Variants in OR6N1 observed in about 807,000 individuals in gnomAD.
OR6N1 encodes the protein olfactory receptor 6N1.
For missense variants in OR6N1, 394 were observed against 371.7 expected (o/e 1.06, Z -0.49); for synonymous variants, 170 against 150.7 (o/e 1.13, Z -0.94).
the OR6N1 span, among the ~76,000 whole-genome samples, chr1:158,801,192 T>C: frequency 6.8e-6 from 1 of 146,592 alleles, no homozygotes; most frequent in South Asian, 2.2e-4. Flanking sequence ...TGTGTGTGTG[T>C]GGTCTGTCTG....
At chr1:158,795,069 G>T in the OR6N1 span, among the ~76,000 whole-genome samples, 1 of 152,196 alleles carries the variant, frequency 6.6e-6, no homozygotes, top group East Asian at 1.9e-4. Context: ...CTCCCCACAT[G>T]TGGGTGCAGG....
the OR6N1 span, among the ~76,000 whole-genome samples, chr1:158,838,882 C>T: frequency 6.6e-6 from 1 of 152,112 alleles, no homozygotes; most frequent in Non-Finnish European, 1.5e-5. Flanking sequence ...GTGGATTTTA[C>T]AATGCAGTCA....
chr1:158,794,723 G>A, the OR6N1 span, among the ~76,000 whole-genome samples: 15 of 152,298 alleles, frequency 9.8e-5, no homozygotes, highest in African/African-American at 3.6e-4. Context: ...TGGCTAGCCA[G>A]GATGATGCAG....
At chr1:158,776,629 C>A, upstream of OR6N1, 1 of 1,062,854 alleles carries the variant, frequency 9.4e-7, no homozygotes, top group South Asian at 1.6e-5. Flanking sequence ...GAAGATTACT[C>A]AAGGAACTTT....
At chr1:158,782,923 CA>C in the OR6N1 span, among the ~76,000 whole-genome samples, 439 of 152,148 alleles carry the variant, frequency 2.9e-3, 2 homozygotes, top group African/African-American at 0.01. Context: ...ACATAAAGAG[CA>C]AAATACAAAG....
chr1:158,800,321 C>G, the OR6N1 span, among the ~76,000 whole-genome samples: 2 of 151,858 alleles, frequency 1.3e-5, no homozygotes, highest in Admixed American at 1.3e-4. Flanking sequence ...GTTGCTTTTA[C>G]CTAGGAAAGA....
upstream of OR6N1, among the ~76,000 whole-genome samples, chr1:158,773,778 G>C (rs1657484566): frequency 6.6e-6 from 1 of 152,052 alleles, no homozygotes; most frequent in Non-Finnish European, 1.5e-5. Flanking sequence ...GCCTGCCTGA[G>C]AAAATTCAAG....
At chr1:158,788,591 C>T in the OR6N1 span, among the ~76,000 whole-genome samples, 9 of 152,026 alleles carry the variant, frequency 5.9e-5, no homozygotes, top group Admixed American at 5.9e-4. Flanking sequence ...TACTTTGATA[C>T]ATTCATGTAA....
the OR6N1 span, among the ~76,000 whole-genome samples, chr1:158,823,887 C>A: frequency 6.6e-6 from 1 of 152,034 alleles, no homozygotes; most frequent in South Asian, 2.1e-4. Flanking sequence ...TAGCTTTGTC[C>A]CAGAGATTCT....
At chr1:158,800,484 G>T in the OR6N1 span, among the ~76,000 whole-genome samples, 1 of 152,116 alleles carries the variant, frequency 6.6e-6, no homozygotes, top group Non-Finnish European at 1.5e-5. Flanking sequence ...TATCTGAGCT[G>T]GATGCTCAGA....
At chr1:158,802,579 C>T in the OR6N1 span, among the ~76,000 whole-genome samples, 1 of 152,096 alleles carries the variant, frequency 6.6e-6, no homozygotes, top group Non-Finnish European at 1.5e-5. Flanking sequence ...AAGGAGATTT[C>T]TCATCCATCC....
the OR6N1 span, among the ~76,000 whole-genome samples, chr1:158,831,954 A>C: frequency 1.3e-5 from 2 of 152,182 alleles, no homozygotes; most frequent in East Asian, 3.8e-4. Flanking sequence ...ACCAGGATAT[A>C]AATCTCTATT....
At chr1:158,770,008 A>T (rs934330935) in intron 1 of OR6N1, among the ~76,000 whole-genome samples, 4 of 152,124 alleles carry the variant, frequency 2.6e-5, no homozygotes, top group Non-Finnish European at 2.9e-5. Context: ...TAGATGTTCT[A>T]TATTCCTTCC....
At chr1:158,798,040 C>T in the OR6N1 span, among the ~76,000 whole-genome samples, 1 of 151,874 alleles carries the variant, frequency 6.6e-6, no homozygotes, top group South Asian at 2.1e-4. Flanking sequence ...TTTTAATTAA[C>T]TGGCATATAT....
At chr1:158,776,762 G>A, upstream of OR6N1, 1 of 1,613,896 alleles carries the variant, frequency 6.2e-7, no homozygotes, top group Non-Finnish European at 8.5e-7. Context: ...TTGTTACGAA[G>A]ACTGTAGATA....
chr1:158,828,963 A>G, the OR6N1 span, among the ~76,000 whole-genome samples: 1 of 152,250 alleles, frequency 6.6e-6, no homozygotes, highest in African/African-American at 2.4e-5. Context: ...CTCTGAAGCC[A>G]TGGTGCAAGC....
the OR6N1 span, among the ~76,000 whole-genome samples, chr1:158,829,051 G>C: frequency 6.6e-6 from 1 of 152,204 alleles, no homozygotes; most frequent in African/African-American, 2.4e-5. Flanking sequence ...ACACAGCACA[G>C]GGACCCTGGG....
the OR6N1 span, among the ~76,000 whole-genome samples, chr1:158,801,993 G>A: frequency 6.6e-6 from 1 of 152,000 alleles, no homozygotes; most frequent in South Asian, 2.1e-4. Context: ...CCTCCCAGGG[G>A]CTCCTTGCTA....
chr1:158,824,605 G>C, the OR6N1 span, among the ~76,000 whole-genome samples: 36 of 152,154 alleles, frequency 2.4e-4, 1 homozygote, highest in South Asian at 5.6e-3. Flanking sequence ...GCATGGTACT[G>C]GTATTAAAAC....
Sources: gnomAD v4.1 joint callset for allele counts (sites outside exome capture counted in the v4.1 genomes callset) on GRCh38, gnomAD v4.1.1 for gene constraint, MANE v1.5 for transcripts, NCBI Gene and HGNC (gene_info 2026-07-23, HGNC 2026-07-21) for gene names.